AFG2A: variants seen among roughly 807,000 people sequenced by gnomAD.
AFG2A encodes the protein AAA ATPase AFG2A.
At chr4:122,964,935 A>G in the AFG2A span, among the ~76,000 whole-genome samples, 4 of 152,294 alleles carry the variant, frequency 2.6e-5, no homozygotes, top group East Asian at 7.7e-4. Flanking sequence ...CTTAATACAG[A>G]GTTGAGGGAG....
chr4:123,315,524 G>T, the AFG2A span: 2 of 151,954 alleles, frequency 1.3e-5, no homozygotes, highest in Non-Finnish European at 2.9e-5. Context: ...ATATTATGTT[G>T]CATTCTAAAT....
the AFG2A span, among the ~76,000 whole-genome samples, chr4:123,062,311 G>C: frequency 6.6e-6 from 1 of 152,118 alleles, no homozygotes; most frequent in East Asian, 1.9e-4. Context: ...TATAAACCTG[G>C]ATGATGTAGC....
chr4:123,299,435 A>G, the AFG2A span, among the ~76,000 whole-genome samples: 2 of 152,208 alleles, frequency 1.3e-5, no homozygotes, highest in Non-Finnish European at 2.9e-5. Flanking sequence ...AGTACAGCCT[A>G]AAGAGGAAAT....
chr4:123,206,696 C>G, the AFG2A span, among the ~76,000 whole-genome samples: 4 of 152,148 alleles, frequency 2.6e-5, no homozygotes, highest in African/African-American at 9.7e-5. Flanking sequence ...TGTCTATCCC[C>G]CCTTCCCCTA....
At chr4:122,981,669 C>G in the AFG2A span, among the ~76,000 whole-genome samples, 1 of 151,804 alleles carries the variant, frequency 6.6e-6, no homozygotes, top group African/African-American at 2.4e-5. Context: ...AGACATTATT[C>G]TATGTATTTG....
At chr4:122,955,564 C>T in the AFG2A span, among the ~76,000 whole-genome samples, 3 of 152,170 alleles carry the variant, frequency 2.0e-5, no homozygotes, top group Admixed American at 2.0e-4. Context: ...TTTGAAGACC[C>T]TGCCTTTAGT....
the AFG2A span, among the ~76,000 whole-genome samples, chr4:123,244,985 T>TA: frequency 2.2e-3 from 333 of 152,318 alleles, 2 homozygotes; most frequent in Middle Eastern, 0.014. Context: ...TTAGGAGTAA[T>TA]ATAGAGAAGA....
chr4:123,038,009 CTAAG>C, the AFG2A span, among the ~76,000 whole-genome samples: 507 of 152,146 alleles, frequency 3.3e-3, 3 homozygotes, highest in Middle Eastern at 0.014. Flanking sequence ...GTAGGTTAGA[CTAAG>C]TGACTCCTAA....
At chr4:122,993,927 C>A in the AFG2A span, among the ~76,000 whole-genome samples, 1 of 152,012 alleles carries the variant, frequency 6.6e-6, no homozygotes, top group Non-Finnish European at 1.5e-5. Context: ...CAGTACATGA[C>A]AGCAGGTTCT....
chr4:123,174,343 A>T, the AFG2A span, among the ~76,000 whole-genome samples: 1 of 152,240 alleles, frequency 6.6e-6, no homozygotes. Context: ...TTAAATGAAG[A>T]GCTATAACAT....
At chr4:123,008,511 T>A in the AFG2A span, among the ~76,000 whole-genome samples, 2 of 152,194 alleles carry the variant, frequency 1.3e-5, no homozygotes, top group African/African-American at 4.8e-5. Context: ...AGGTCCTTAT[T>A]TATCCATTTT....
the AFG2A span, among the ~76,000 whole-genome samples, chr4:123,062,078 C>T: frequency 6.6e-6 from 1 of 152,152 alleles, no homozygotes; most frequent in Non-Finnish European, 1.5e-5. Context: ...GTAGGAATTA[C>T]CAGATACATA....
At chr4:123,074,095 A>ACTTTTTT in the AFG2A span, among the ~76,000 whole-genome samples, 1 of 102,068 alleles carries the variant, frequency 9.8e-6, no homozygotes, top group East Asian at 3.4e-4. Flanking sequence ...CTCAGATAGT[A>ACTTTTTT]TTTTTTTTTT....
the AFG2A span, among the ~76,000 whole-genome samples, chr4:123,127,104 G>T: frequency 6.6e-6 from 1 of 152,122 alleles, no homozygotes; most frequent in African/African-American, 2.4e-5. Context: ...GGAGGTTGAG[G>T]CAGGAGGATT....
At chr4:123,081,883 T>TA in the AFG2A span, among the ~76,000 whole-genome samples, 1 of 152,206 alleles carries the variant, frequency 6.6e-6, no homozygotes, top group Non-Finnish European at 1.5e-5. Context: ...TGCAGTTCCC[T>TA]AATAATATAT....
chr4:123,088,248 G>C, the AFG2A span, among the ~76,000 whole-genome samples: 1 of 151,746 alleles, frequency 6.6e-6, no homozygotes, highest in Non-Finnish European at 1.5e-5. Context: ...AAGTTTTTAG[G>C]TTTTACCTTA....
At chr4:123,113,351 A>G in the AFG2A span, among the ~76,000 whole-genome samples, 1 of 151,174 alleles carries the variant, frequency 6.6e-6, no homozygotes, top group Non-Finnish European at 1.5e-5. Flanking sequence ...ACAAAAACAA[A>G]TACAGCTTTT....
chr4:123,241,931 A>G, the AFG2A span, among the ~76,000 whole-genome samples: 3 of 152,292 alleles, frequency 2.0e-5, no homozygotes, highest in African/African-American at 7.2e-5. Flanking sequence ...ACTTCAGCAA[A>G]GTCTCAGGAT....
the AFG2A span, among the ~76,000 whole-genome samples, chr4:123,281,311 AGCAAATG>A: frequency 6.6e-6 from 1 of 152,212 alleles, no homozygotes; most frequent in African/African-American, 2.4e-5. Flanking sequence ...AATATTAGAA[AGCAAATG>A]GCTCGCAAAA....
Sources: allele counts gnomAD v4.1 joint callset (sites outside exome capture counted in the v4.1 genomes callset), GRCh38; gene constraint gnomAD v4.1.1; transcripts MANE v1.5; gene names NCBI Gene and HGNC (gene_info 2026-07-23, HGNC 2026-07-21).